Variants in DENND4A observed in about 807,000 individuals in gnomAD.
DENND4A encodes C-myc promoter-binding protein.
A neutral mutation model predicts 199.3 loss-of-function variants in DENND4A; 70 were observed. That is an observed-to-expected ratio of 0.35 (90% CI 0.29 to 0.43). The LOEUF is 0.43. Ranked by LOEUF, DENND4A falls within the 20% of genes least tolerant of loss-of-function variation. The pLI is 1.00. For missense variants in DENND4A, 1,723 were observed against 2,255.8 expected, an observed-to-expected ratio of 0.76 and a Z score of 4.78; for synonymous variants, 686 against 766.9, an observed-to-expected ratio of 0.89 and a Z score of 1.74.
chr15:65,682,636 T>A (rs569867543), intron 23 of DENND4A, among the ~76,000 whole-genome samples: 34 of 152,354 alleles, frequency 2.2e-4, no homozygotes, highest in Non-Finnish European at 4.3e-4. Flanking sequence ...TCCCTTTGCA[T>A]TCACAACTTG....
chr15:65,775,029 T>C (rs1254357222), intron 1 of DENND4A, among the ~76,000 whole-genome samples: 1 of 152,022 alleles, frequency 6.6e-6, no homozygotes, highest in Admixed American at 6.6e-5. Context: ...ATATGTTTAC[T>C]TTAATAAAAA....
intron 27 of DENND4A, among the ~76,000 whole-genome samples, chr15:65,668,521 T>A (rs1462376724): frequency 2.0e-5 from 3 of 151,984 alleles, no homozygotes; most frequent in Non-Finnish European, 4.4e-5. Context: ...GTTCTTCTCT[T>A]TAGAATCCGA....
chr15:65,701,035 C>T lies in DENND4A; in HGVS notation c.2701+16G>A, dbSNP rs1361272304. The T allele has an allele frequency of 2.5e-6, 4 of 1,584,698 alleles. No individual in the cohort carries two copies. ...AATTAATTTTGAAGAACAAGTAAAA[C>T]ACATACATCCCTTACCTGAGAGAGT... On this transcript the variant is annotated intron_variant, in intron 19 of 32. Transcript: ENST00000443035.
At chr15:65,674,369 T>C (rs1175343287) in intron 24 of DENND4A, among the ~76,000 whole-genome samples, 1 of 152,226 alleles carries the variant, frequency 6.6e-6, no homozygotes, top group Non-Finnish European at 1.5e-5. Flanking sequence ...AAGAAGTGAC[T>C]AGACATGGGC....
chr15:65,787,952 C>T (rs2077609818), intron 1 of DENND4A, among the ~76,000 whole-genome samples: 2 of 152,072 alleles, frequency 1.3e-5, no homozygotes, highest in South Asian at 4.1e-4. Flanking sequence ...TCCATCAATA[C>T]GTGGCACTGT....
intron 11 of DENND4A, among the ~76,000 whole-genome samples, chr15:65,724,430 C>G (rs938524053): frequency 1.6e-4 from 23 of 147,830 alleles, no homozygotes; most frequent in African/African-American, 4.7e-4. Flanking sequence ...TTTTAGAAAA[C>G]TTGAAAAATG....
intron 14 of DENND4A, 86 bp from the exon 15 acceptor site, chr15:65,706,310 CT>C: frequency 8.0e-7 from 1 of 1,252,774 alleles, no homozygotes. Flanking sequence ...AATAAACCAT[CT>C]GCACAATGGA....
chr15:65,674,395 A>G (rs927612470), intron 24 of DENND4A, among the ~76,000 whole-genome samples: 1 of 152,230 alleles, frequency 6.6e-6, no homozygotes, highest in African/African-American at 2.4e-5. Flanking sequence ...AGAGGGTTCT[A>G]GATGCTATGA....
At chr15:65,663,852 A>T (rs185867441) in intron 32 of DENND4A, among the ~76,000 whole-genome samples, 3 of 151,018 alleles carry the variant, frequency 2.0e-5, no homozygotes, top group African/African-American at 7.3e-5. Context: ...GGGTTTCACC[A>T]TGTTGCCCAG....
intron 14 of DENND4A, among the ~76,000 whole-genome samples, chr15:65,714,166 C>T (rs921310106): frequency 1.3e-5 from 2 of 152,040 alleles, no homozygotes; most frequent in African/African-American, 2.4e-5. Flanking sequence ...AATCCCAGCA[C>T]TTTGGGAGGC....
chr15:65,728,920 T>C (rs2075885812), intron 11 of DENND4A, 152 bp downstream of exon 11: 1 of 764,510 alleles, frequency 1.3e-6, no homozygotes, highest in African/African-American at 1.7e-5. Flanking sequence ...TGACGCATAA[T>C]AAGGTCTGAT....
intron 11 of DENND4A, among the ~76,000 whole-genome samples, chr15:65,727,452 CAAAA>C (rs35066518): frequency 5.8e-5 from 4 of 68,766 alleles, no homozygotes; most frequent in Admixed American, 1.6e-4. Flanking sequence ...GACTCCGTCT[CAAAA>C]AAAAAAAAAA....
At chr15:65,667,280 A>T (rs910930175) in intron 29 of DENND4A, among the ~76,000 whole-genome samples, 169 bp downstream of exon 29, 4 of 152,212 alleles carry the variant, frequency 2.6e-5, no homozygotes, top group African/African-American at 9.7e-5. Flanking sequence ...CAGTGAGCCG[A>T]GATAGTGCCA....
At chr15:65,664,766 A>G in intron 30 of DENND4A, 44 bp from the exon 31 acceptor site, 1 of 1,500,596 alleles carries the variant, frequency 6.7e-7, no homozygotes, top group Admixed American at 2.2e-5. Flanking sequence ...TGTTCTGTGT[A>G]GAAAGGAGAA....
chr15:65,729,400 T>C, intron 10 of DENND4A, 134 bp downstream of exon 10: 1 of 1,402,258 alleles, frequency 7.1e-7, no homozygotes. Flanking sequence ...GGTCAGGAAA[T>C]CAAAACTGCT....
At chr15:65,751,206 T>C (rs2076552745) in intron 4 of DENND4A, among the ~76,000 whole-genome samples, 3 of 152,244 alleles carry the variant, frequency 2.0e-5, no homozygotes, top group Admixed American at 1.3e-4. Flanking sequence ...CGTTGTGAAG[T>C]GGCCATGTTC....
intron 2 of DENND4A, 122 bp from the exon 3 acceptor site, chr15:65,756,594 C>A: frequency 3.5e-6 from 2 of 569,318 alleles, no homozygotes; most frequent in Admixed American, 3.5e-5. Flanking sequence ...AACACAGTAG[C>A]ATTGTATATT....
At chr15:65,684,186 T>C (rs1313457918) in intron 23 of DENND4A, among the ~76,000 whole-genome samples, 5 of 152,250 alleles carry the variant, frequency 3.3e-5, no homozygotes, top group Admixed American at 2.6e-4. Context: ...ATTATTCACA[T>C]AAAATCTTTG....
chr15:65,660,055 C>A lies in DENND4A; in HGVS notation c.*1796G>T, dbSNP rs138437035. On this transcript the variant is annotated 3_prime_UTR_variant, in exon 33 of 33. Transcript: ENST00000443035. ...TATCACCAGTGCCAAAAGCCTCCCCCCTCTGAAATGTTTCTCTCAGTTGAC... is the reference window on the plus strand; with the variant it reads ...TATCACCAGTGCCAAAAGCCTCCCCACTCTGAAATGTTTCTCTCAGTTGAC... 14 of 458,908 alleles carry A rather than the reference C, an allele frequency of 3.1e-5. No individual in the cohort carries two copies. Among genetic ancestry groups the A allele is most frequent in the African/African-American group, 1.2e-4 (6 of 50,458 alleles). 28.4% of individuals were successfully genotyped at this position (458,908 alleles called of 1,614,324 possible).
Sources: allele counts gnomAD v4.1 joint callset (sites outside exome capture counted in the v4.1 genomes callset), GRCh38; gene constraint gnomAD v4.1.1; transcripts MANE v1.5; gene names NCBI Gene and HGNC (gene_info 2026-07-23, HGNC 2026-07-21).